ZNF117: variants seen among roughly 807,000 people sequenced by gnomAD.
The protein encoded by ZNF117 is zinc finger protein 117, also known as Krueppel-related zinc finger protein.
Under a neutral mutation model 41.2 loss-of-function variants are expected in ZNF117, and 37 were observed. The ratio of observed to expected loss-of-function variants is 0.90; its 90% CI spans 0.69 to 1.18. ZNF117 has a LOEUF of 1.18. ZNF117 is among the 50% of genes most tolerant of loss of function. The pLI is 0.00. For synonymous variants in ZNF117, 186 were observed against 186.6 expected, an observed-to-expected ratio of 1.00 and a Z score of 0.02; for missense variants, 546 against 557.5, an observed-to-expected ratio of 0.98 and a Z score of 0.21.
exon 3 of ZNF117, chr7:64,976,721 T>A: frequency 2.8e-6 from 1 of 353,750 alleles, no homozygotes; most frequent in Non-Finnish European, 5.6e-6. Context: ...TGTACCATTC[T>A]TCATATTTTT....
At chr7:64,985,084 G>C (rs562731991), upstream of ZNF117, among the ~76,000 whole-genome samples, 3 of 152,062 alleles carry the variant, frequency 2.0e-5, no homozygotes, top group African/African-American at 7.2e-5. Context: ...GAGCCACCAC[G>C]CCCGGCCGAA....
At chr7:64,985,438 G>A (rs10268661), upstream of ZNF117, among the ~76,000 whole-genome samples, 4,959 of 152,204 alleles carry the variant, frequency 0.033, 267 homozygotes, top group African/African-American at 0.11. Flanking sequence ...ACTTTTGTGT[G>A]CTCTTAAAAC....
exon 3 of ZNF117, chr7:64,975,167 G>A (rs1239387016): frequency 6.6e-6 from 1 of 151,822 alleles, no homozygotes; most frequent in Admixed American, 6.6e-5. Flanking sequence ...GGGATAGGTT[G>A]AAGTTAGTGG....
chr7:64,987,914 G>C (rs1019181239), intron 1 of ZNF117, among the ~76,000 whole-genome samples: 1 of 150,744 alleles, frequency 6.6e-6, no homozygotes, highest in African/African-American at 2.4e-5. Flanking sequence ...AAAAGAAATC[G>C]AATCTCTGAG....
At chr7:64,985,794 A>G (rs527741458), upstream of ZNF117, among the ~76,000 whole-genome samples, 8 of 152,002 alleles carry the variant, frequency 5.3e-5, no homozygotes, top group South Asian at 1.5e-3. Context: ...CCTCATCTCT[A>G]CTGAAGATAC....
upstream of ZNF117, among the ~76,000 whole-genome samples, chr7:64,986,839 G>A (rs533570046): frequency 3.3e-5 from 5 of 152,164 alleles, no homozygotes; most frequent in South Asian, 4.1e-4. Flanking sequence ...GATTCTGACA[G>A]AATAATTTTG....
chr7:64,978,406 G>A (rs1343449029), exon 3 of ZNF117: 4 of 1,610,286 alleles, frequency 2.5e-6, no homozygotes, highest in Non-Finnish European at 2.5e-6. Context: ...CTACATTTGT[G>A]GGGATTCTCT....
chr7:64,977,243 T>C (rs1785912113), exon 3 of ZNF117: 4 of 413,946 alleles, frequency 9.7e-6, no homozygotes, highest in Non-Finnish European at 1.9e-5. Context: ...ATTTCTCTCC[T>C]GTATGAATTT....
At chr7:64,983,205 G>T (rs1173558590), upstream of ZNF117, among the ~76,000 whole-genome samples, 1 of 152,156 alleles carries the variant, frequency 6.6e-6, no homozygotes, top group Non-Finnish European at 1.5e-5. Flanking sequence ...AACAGAGATG[G>T]TACCTCAACG....
At position 64,978,072 on chromosome 7, in the gene ZNF117, G is replaced by A. The variant is rs781099383; in HGVS notation, c.*47C>T. On this transcript the variant is annotated 3_prime_UTR_variant, in exon 3 of 3. Transcript: ENST00000620222. ...TTTGCCACATTCTTCACACTTGTAA[G>A]GTTTCTCTCCAGTATGAATTTTCTT... The A allele has an allele frequency of 2.7e-5, 43 of 1,575,522 alleles. No homozygotes were observed. In the Admixed American group the frequency reaches 7.2e-4, roughly 26 times the overall value.
chr7:64,978,418 C>T, exon 3 of ZNF117: 1 of 1,613,548 alleles, frequency 6.2e-7, no homozygotes, highest in Non-Finnish European at 8.5e-7. Flanking sequence ...GGATTCTCTC[C>T]AGTATGGATT....
exon 3 of ZNF117, chr7:64,974,598 A>G (rs1562981350): frequency 6.6e-6 from 1 of 151,922 alleles, no homozygotes; most frequent in Non-Finnish European, 1.5e-5. Flanking sequence ...TTTTAGAGTA[A>G]TATATGGGTA....
exon 3 of ZNF117, chr7:64,977,294 GC>G (rs1785913040): frequency 2.4e-6 from 1 of 416,650 alleles, no homozygotes; most frequent in Admixed American, 3.2e-5. Flanking sequence ...TAAAAACTTT[GC>G]CACATTCTTC....
chr7:64,972,344 T>C (rs1398109485), downstream of ZNF117: 1 of 152,120 alleles, frequency 6.6e-6, no homozygotes, highest in Non-Finnish European at 1.5e-5. Context: ...GAAACATTTA[T>C]GCTTCTATGT....
downstream of ZNF117, chr7:64,972,979 C>A (rs1450176715): frequency 2.0e-5 from 3 of 151,936 alleles, no homozygotes; most frequent in East Asian, 5.8e-4. Flanking sequence ...TGACTGGCCA[C>A]CCTGTGAACA....
exon 3 of ZNF117, chr7:64,979,171 C>T: frequency 1.2e-6 from 2 of 1,605,506 alleles, no homozygotes; most frequent in Non-Finnish European, 1.7e-6. Context: ...TAGAAATTCA[C>T]TCTAGTTTGG....
chr7:64,980,794 C>A (rs7459260), intron 2 of ZNF117: 1,779 of 152,468 alleles, frequency 0.012, 28 homozygotes, highest in Non-Finnish European at 0.02. Flanking sequence ...AAGAAAATAG[C>A]TGTCAAGTGA....
At chr7:64,972,365 ACT>A (rs1785797410), downstream of ZNF117, 1 of 152,216 alleles carries the variant, frequency 6.6e-6, no homozygotes, top group African/African-American at 2.4e-5. Flanking sequence ...TGTTTGCAAC[ACT>A]CTTCACAATT....
chr7:64,983,881 T>C (rs546896638), upstream of ZNF117, among the ~76,000 whole-genome samples: 3 of 150,002 alleles, frequency 2.0e-5, no homozygotes. Context: ...AGAAAAACAG[T>C]TAAAAGCATC....
Sources: allele counts gnomAD v4.1 joint callset (sites outside exome capture counted in the v4.1 genomes callset), GRCh38; gene constraint gnomAD v4.1.1; transcripts MANE v1.5; gene names NCBI Gene and HGNC (gene_info 2026-07-23, HGNC 2026-07-21).